Variants in VRK2 observed in about 807,000 individuals in gnomAD.
The protein encoded by VRK2 is serine/threonine-protein kinase VRK2.
In VRK2, 60 loss-of-function variants were observed where a neutral mutation model predicts 57.6. The ratio of observed to expected loss-of-function variants is 1.04; its 90% CI spans 0.85 to 1.29. The LOEUF (loss-of-function observed/expected upper bound fraction) is 1.29, where lower values mean the gene tolerates loss of function less well. Among genes scored for constraint, VRK2 ranks in the 50% most tolerant of loss-of-function variants. VRK2 has a pLI of 0.00. For missense variants in VRK2, 705 were observed against 588.1 expected, an observed-to-expected ratio of 1.20 and a Z score of -2.06; for synonymous variants, 231 against 199.2, an observed-to-expected ratio of 1.16 and a Z score of -1.35.
chr2:57,957,607 T>A (rs533750543), intron 1 of VRK2, among the ~76,000 whole-genome samples: 230 of 146,668 alleles, frequency 1.6e-3, no homozygotes, highest in African/African-American at 5.7e-3. Flanking sequence ...TGTAGATATA[T>A]ATACTATATT....
At chr2:58,083,234 T>G (rs550570445) in intron 2 of VRK2, among the ~76,000 whole-genome samples, 1 of 151,740 alleles carries the variant, frequency 6.6e-6, no homozygotes, top group South Asian at 2.2e-4. Context: ...ATATTTTAGC[T>G]ATTTAAATGA....
upstream of VRK2, among the ~76,000 whole-genome samples, chr2:58,042,914 T>C (rs999291515): frequency 6.6e-6 from 1 of 152,162 alleles, no homozygotes; most frequent in Non-Finnish European, 1.5e-5. Flanking sequence ...TTTCACTAGT[T>C]CCAAAATTTG....
chr2:58,047,239 T>C, intron 1 of VRK2: 1 of 286,426 alleles, frequency 3.5e-6, no homozygotes, highest in Non-Finnish European at 5.2e-6. Context: ...ACCAGGCGGC[T>C]GGGCCGCGCT....
chr2:58,086,273 G>A, intron 4 of VRK2, 66 bp from the exon 5 acceptor site: 1 of 1,397,294 alleles, frequency 7.2e-7, no homozygotes, highest in Non-Finnish European at 9.9e-7. Context: ...AAATTTGTCT[G>A]TAGAAAGGTG....
intron 1 of VRK2, among the ~76,000 whole-genome samples, chr2:57,963,430 C>T (rs879301514): frequency 4.6e-5 from 7 of 152,096 alleles, no homozygotes; most frequent in African/African-American, 1.7e-4. Flanking sequence ...TTACCATGTT[C>T]GGCAAATCCT....
At chr2:57,998,921 T>C (rs771326751) in intron 1 of VRK2, among the ~76,000 whole-genome samples, 40 of 152,222 alleles carry the variant, frequency 2.6e-4, no homozygotes, top group Non-Finnish European at 5.1e-4. Flanking sequence ...GTATGGATAG[T>C]TATCTGTACT....
chr2:58,078,046 A>G (rs1670375345), intron 2 of VRK2, among the ~76,000 whole-genome samples: 1 of 152,114 alleles, frequency 6.6e-6, no homozygotes, highest in South Asian at 2.1e-4. Flanking sequence ...TTGTATATAC[A>G]GTTCAGTAGT....
chr2:58,082,667 C>T (rs1451865014), intron 2 of VRK2, among the ~76,000 whole-genome samples: 1 of 151,856 alleles, frequency 6.6e-6, no homozygotes, highest in Non-Finnish European at 1.5e-5. Flanking sequence ...TCCACTCTTC[C>T]TGCAGTTTCC....
At chr2:57,933,923 GTTTT>G (rs1407011404) in intron 1 of VRK2, among the ~76,000 whole-genome samples, 1 of 151,606 alleles carries the variant, frequency 6.6e-6, no homozygotes, top group African/African-American at 2.4e-5. Context: ...TTGTTTGTTT[GTTTT>G]GTGACCATGA....
intron 11 of VRK2, among the ~76,000 whole-genome samples, chr2:58,144,098 C>G (rs557096134): frequency 6.6e-6 from 1 of 151,728 alleles, no homozygotes; most frequent in South Asian, 2.1e-4. Context: ...TTTGCAACAT[C>G]ATGGATGAAT....
chr2:58,092,295 CTG>C (rs1672491525), intron 7 of VRK2, among the ~76,000 whole-genome samples: 1 of 152,102 alleles, frequency 6.6e-6, no homozygotes. Flanking sequence ...TGTTTTGGGT[CTG>C]TTTTCCTTCA....
chr2:58,117,500 A>C (rs1051299608), intron 7 of VRK2, among the ~76,000 whole-genome samples: 1 of 152,076 alleles, frequency 6.6e-6, no homozygotes, highest in Non-Finnish European at 1.5e-5. Flanking sequence ...GGAAGATTAG[A>C]AAGACTCAGC....
chr2:58,062,100 C>T (rs1677432512), intron 2 of VRK2, among the ~76,000 whole-genome samples: 1 of 152,018 alleles, frequency 6.6e-6, no homozygotes, highest in Non-Finnish European at 1.5e-5. Context: ...GTCTCTATGT[C>T]ACATTTTGGT....
intron 1 of VRK2, among the ~76,000 whole-genome samples, chr2:57,914,915 A>G (rs1381351821): frequency 6.6e-6 from 1 of 152,110 alleles, no homozygotes; most frequent in African/African-American, 2.4e-5. Context: ...TACTACTCAA[A>G]CAATTTGATT....
chr2:57,984,455 C>G (rs1572936725), intron 1 of VRK2, among the ~76,000 whole-genome samples: 1 of 152,106 alleles, frequency 6.6e-6, no homozygotes, highest in Non-Finnish European at 1.5e-5. Context: ...CAATTTATCT[C>G]TGGTAAGAGA....
intron 1 of VRK2, among the ~76,000 whole-genome samples, chr2:58,012,401 A>G (rs994091469): frequency 6.6e-6 from 1 of 152,170 alleles, no homozygotes; most frequent in Admixed American, 6.5e-5. Context: ...CTGTAACATG[A>G]GCACCACCCT....
upstream of VRK2, among the ~76,000 whole-genome samples, chr2:58,045,446 G>GT (rs546626533): frequency 2.6e-5 from 4 of 151,968 alleles, no homozygotes; most frequent in East Asian, 7.7e-4. Context: ...GGAGGAAAGA[G>GT]TACCCAATAT....
intron 2 of VRK2, among the ~76,000 whole-genome samples, chr2:58,078,683 TTTTG>T (rs1670462556): frequency 6.6e-6 from 1 of 152,078 alleles, no homozygotes; most frequent in Non-Finnish European, 1.5e-5. Flanking sequence ...TTAAAACAAA[TTTTG>T]TTTGTTTTTA....
intron 7 of VRK2, among the ~76,000 whole-genome samples, chr2:58,112,655 G>C (rs1026348360): frequency 6.6e-6 from 1 of 152,056 alleles, no homozygotes; most frequent in Non-Finnish European, 1.5e-5. Flanking sequence ...AGAAGGTCCA[G>C]ATGGTTGAGG....
Sources: allele counts gnomAD v4.1 joint callset (sites outside exome capture counted in the v4.1 genomes callset), GRCh38; gene constraint gnomAD v4.1.1; transcripts MANE v1.5; gene names NCBI Gene and HGNC (gene_info 2026-07-23, HGNC 2026-07-21).